Variants in GPC5 observed in about 807,000 individuals in gnomAD.
GPC5 encodes the protein glypican-5.
Under a neutral mutation model 53.9 loss-of-function variants are expected in GPC5, and 47 were observed. The observed-to-expected ratio is 0.87, with a 90% CI of 0.69 to 1.11. GPC5 has a LOEUF of 1.11. Among genes scored for constraint, GPC5 ranks in the 50% most tolerant of loss-of-function variants. The pLI is 0.00. For synonymous variants in GPC5, 286 were observed against 263.3 expected (o/e 1.09, Z -0.84); for missense variants, 748 against 713.1 (o/e 1.05, Z -0.56).
chr13:91,484,918 A>C (rs1365548193), intron 2 of GPC5, among the ~76,000 whole-genome samples: 1 of 152,244 alleles, frequency 6.6e-6, no homozygotes, highest in Admixed American at 6.5e-5. Context: ...TCTTTTGAGA[A>C]AGTGTCTCCA....
At chr13:91,695,950 AG>A (rs1241718505) in intron 3 of GPC5, among the ~76,000 whole-genome samples, 1 of 152,200 alleles carries the variant, frequency 6.6e-6, no homozygotes, top group African/African-American at 2.4e-5. Context: ...TGCAGTAGAC[AG>A]GCAAGCTTTC....
At chr13:91,926,046 C>T (rs2039764039) in intron 6 of GPC5, among the ~76,000 whole-genome samples, 1 of 151,966 alleles carries the variant, frequency 6.6e-6, no homozygotes, top group Non-Finnish European at 1.5e-5. Flanking sequence ...CAGCCATTGC[C>T]ACAATGATTC....
chr13:91,983,595 C>T (rs2040380461), intron 6 of GPC5, among the ~76,000 whole-genome samples: 1 of 152,140 alleles, frequency 6.6e-6, no homozygotes, highest in Admixed American at 6.5e-5. Context: ...TCCTTGGAAG[C>T]TCATTAAATA....
At chr13:92,743,199 G>T (rs1452160057) in intron 7 of GPC5, among the ~76,000 whole-genome samples, 1 of 151,684 alleles carries the variant, frequency 6.6e-6, no homozygotes, top group African/African-American at 2.4e-5. Flanking sequence ...TCACGATATT[G>T]ATTCTTCCTA....
intron 7 of GPC5, among the ~76,000 whole-genome samples, chr13:92,275,697 T>C (rs902534392): frequency 6.6e-6 from 1 of 152,162 alleles, no homozygotes; most frequent in Non-Finnish European, 1.5e-5. Context: ...ATATACTTAA[T>C]GATCCTTGCC....
At chr13:92,013,629 G>A (rs1041862195) in intron 6 of GPC5, among the ~76,000 whole-genome samples, 3 of 152,174 alleles carry the variant, frequency 2.0e-5, no homozygotes, top group African/African-American at 7.2e-5. Context: ...TTGGCTTAAA[G>A]GTGGGTTTCA....
chr13:91,822,123 A>G (rs1476133662), intron 5 of GPC5, among the ~76,000 whole-genome samples: 1 of 152,226 alleles, frequency 6.6e-6, no homozygotes, highest in African/African-American at 2.4e-5. Context: ...TGTCCTTCTC[A>G]AACCACAAGT....
intron 2 of GPC5, among the ~76,000 whole-genome samples, chr13:91,564,455 T>C (rs2031433751): frequency 6.6e-6 from 1 of 152,214 alleles, no homozygotes; most frequent in South Asian, 2.1e-4. Context: ...TGGGGCTTTA[T>C]ACTTTCTGCC....
chr13:91,911,508 A>T (rs1399996157), intron 6 of GPC5, among the ~76,000 whole-genome samples: 1 of 152,114 alleles, frequency 6.6e-6, no homozygotes, highest in Non-Finnish European at 1.5e-5. Context: ...GCACCACTGC[A>T]CTCCTGCCTG....
At chr13:91,989,024 A>C (rs1056190884) in intron 6 of GPC5, among the ~76,000 whole-genome samples, 7 of 149,778 alleles carry the variant, frequency 4.7e-5, no homozygotes, top group Non-Finnish European at 1.0e-4. Flanking sequence ...GACAGTAAAA[A>C]TACAAAACAC....
chr13:91,768,455 A>G (rs2037563740), intron 5 of GPC5, among the ~76,000 whole-genome samples: 1 of 152,210 alleles, frequency 6.6e-6, no homozygotes, highest in Admixed American at 6.5e-5. Context: ...CTGATTAAAG[A>G]TCAAACTCTG....
At chr13:92,767,721 A>G (rs967251196) in intron 7 of GPC5, among the ~76,000 whole-genome samples, 1 of 152,150 alleles carries the variant, frequency 6.6e-6, no homozygotes, top group Non-Finnish European at 1.5e-5. Context: ...TCTAATGAGG[A>G]AAGTACGTAC....
chr13:92,014,178 A>T (rs1268070418), intron 6 of GPC5, among the ~76,000 whole-genome samples: 2 of 152,184 alleles, frequency 1.3e-5, no homozygotes, highest in African/African-American at 4.8e-5. Context: ...ACACTTATGG[A>T]GTGCTCATTA....
chr13:91,427,042 C>T (rs1164083580), intron 1 of GPC5, among the ~76,000 whole-genome samples: 1 of 152,194 alleles, frequency 6.6e-6, no homozygotes, highest in African/African-American at 2.4e-5. Context: ...GCCTAGATTT[C>T]AGGAGCTGTA....
chr13:92,317,264 G>T (rs2043185388), intron 7 of GPC5, among the ~76,000 whole-genome samples: 1 of 152,226 alleles, frequency 6.6e-6, no homozygotes, highest in Admixed American at 6.6e-5. Context: ...GTGTCCAGGG[G>T]CCATTGGCAG....
At chr13:92,335,952 A>G (rs1157847902) in intron 7 of GPC5, among the ~76,000 whole-genome samples, 2 of 152,042 alleles carry the variant, frequency 1.3e-5, no homozygotes, top group South Asian at 2.1e-4. Context: ...ACATTTTCCT[A>G]TCTTCTTCTG....
intron 7 of GPC5, among the ~76,000 whole-genome samples, chr13:92,510,984 C>A (rs1166323101): frequency 1.3e-5 from 2 of 152,152 alleles, no homozygotes; most frequent in Non-Finnish European, 2.9e-5. Flanking sequence ...TAAAGTAGAT[C>A]ATTCCCATCA....
At chr13:91,604,206 G>C (rs1294783904) in intron 2 of GPC5, among the ~76,000 whole-genome samples, 1 of 143,932 alleles carries the variant, frequency 6.9e-6, no homozygotes, top group African/African-American at 2.6e-5. Context: ...TGCGGTGTTT[G>C]GTTTTTTGTT....
At chr13:91,716,111 T>G (rs1322430072) in intron 3 of GPC5, among the ~76,000 whole-genome samples, 1 of 152,064 alleles carries the variant, frequency 6.6e-6, no homozygotes, top group Non-Finnish European at 1.5e-5. Flanking sequence ...GATTACAAAG[T>G]ACATAAAAAC....
Sources: gnomAD v4.1 joint callset for allele counts (sites outside exome capture counted in the v4.1 genomes callset) on GRCh38, gnomAD v4.1.1 for gene constraint, MANE v1.5 for transcripts, NCBI Gene and HGNC (gene_info 2026-07-23, HGNC 2026-07-21) for gene names.